The following CCDC88C variants were observed in gnomAD, a reference collection of about 807,000 sequenced individuals.
The protein encoded by CCDC88C is coiled-coil and HOOK domain protein 88C.
In CCDC88C, 131 loss-of-function variants were observed where a neutral mutation model predicts 198.8. That is an observed-to-expected ratio of 0.66 (90% CI 0.57 to 0.76). CCDC88C has a LOEUF of 0.76. Ranked by LOEUF, CCDC88C falls within the 30% of genes least tolerant of loss-of-function variation. The pLI, the probability that CCDC88C is intolerant of heterozygous loss-of-function variation, is 0.00. For missense variants in CCDC88C, 2,553 were observed against 2,631.6 expected (o/e 0.97, Z 0.65); for synonymous variants, 1,166 against 1,114.7 (o/e 1.05, Z -0.92).
chr14:91,361,913 C>G (rs867558984), intron 3 of CCDC88C, among the ~76,000 whole-genome samples: 5 of 152,086 alleles, frequency 3.3e-5, no homozygotes, highest in African/African-American at 1.2e-4. Context: ...TGAGCCTGTC[C>G]GTCACACAGC....
At chr14:91,346,873 T>G (rs889060267) in intron 4 of CCDC88C, among the ~76,000 whole-genome samples, 1 of 152,172 alleles carries the variant, frequency 6.6e-6, no homozygotes, top group Non-Finnish European at 1.5e-5. Flanking sequence ...CACTCCAGCC[T>G]TGGCGACAAA....
intron 3 of CCDC88C, among the ~76,000 whole-genome samples, chr14:91,397,528 C>G (rs1885925149): frequency 6.6e-6 from 1 of 152,206 alleles, no homozygotes; most frequent in Non-Finnish European, 1.5e-5. Flanking sequence ...CTTGCCCTGG[C>G]TGAACTCCAA....
intron 3 of CCDC88C, among the ~76,000 whole-genome samples, chr14:91,370,163 C>A (rs1894726090): frequency 6.6e-6 from 1 of 152,208 alleles, no homozygotes; most frequent in Admixed American, 6.5e-5. Context: ...ACTGTGTGGC[C>A]TCAGGCAAGT....
intron 4 of CCDC88C, among the ~76,000 whole-genome samples, chr14:91,344,515 CT>C (rs796660357): frequency 2.6e-3 from 372 of 142,788 alleles, no homozygotes; most frequent in Admixed American, 2.5e-3. Flanking sequence ...TAAAGCCATC[CT>C]TTTTTTTTTT....
At chr14:91,346,885 G>C (rs1241725019) in intron 4 of CCDC88C, among the ~76,000 whole-genome samples, 1 of 152,086 alleles carries the variant, frequency 6.6e-6, no homozygotes. Context: ...GGCGACAAAG[G>C]AAGACTCTGT....
At chr14:91,369,756 T>A (rs182018058) in intron 3 of CCDC88C, among the ~76,000 whole-genome samples, 156 of 152,294 alleles carry the variant, frequency 1.0e-3, no homozygotes, top group African/African-American at 2.9e-3. Flanking sequence ...GAGGCTGTCA[T>A]GTAAAGCTGC....
chr14:91,348,729 G>C lies in CCDC88C; in HGVS notation c.341-5072C>G, dbSNP rs534694886. Among the ~76,000 whole-genome samples, 4 of 152,224 alleles carry C rather than the reference G, an allele frequency of 2.6e-5. No individual in the cohort carries two copies. In the South Asian group the frequency reaches 8.3e-4, roughly 32 times the overall value. On this transcript the variant is annotated intron_variant, in intron 4 of 29. Transcript: ENST00000389857. ...TAACAGGAGGGAAAAAGGCTTTAAAGGTAGAGAATTAAGTTTAGAAAAATA... is the reference window on the plus strand; with the variant it reads ...TAACAGGAGGGAAAAAGGCTTTAAACGTAGAGAATTAAGTTTAGAAAAATA...
In CCDC88C at chr14:91,339,918, C is replaced by T. The variant is rs200769097; in HGVS notation, c.590G>A (p.Arg197Gln). 989 of 1,593,482 alleles carry T rather than the reference C, an allele frequency of 6.2e-4. 2 individuals carry two copies. Among genetic ancestry groups the T allele is most frequent in the East Asian group, 2.7e-3 (117 of 43,500 alleles). Reference protein sequence around the residue: ...ALSRSMVLHLRRLIDQRDECT... With the variant: ...ALSRSMVLHLQRLIDQRDECT... ...CTCGTCCCGCTGGTCGATGAGCCTC[C>T]GCAGGTGGAGCACCATGCTCCTCGA... The change falls in exon 7 of 30, where the codon CGG becomes CAG. Residue 197 changes from arginine (R) to glutamine (Q), a missense_variant. This residue lies in a region of CCDC88C where 1,260 missense variants were observed against 1,412.0 expected (regional missense o/e 0.89). Transcript: ENST00000389857. The surrounding 1 kb of genome is among the most constrained non-coding windows in gnomAD (Gnocchi z 5.8).
chr14:91,315,061 T>G (rs1892033454), intron 14 of CCDC88C, among the ~76,000 whole-genome samples: 1 of 152,154 alleles, frequency 6.6e-6, no homozygotes, highest in South Asian at 2.1e-4. Flanking sequence ...CACACGTTAG[T>G]TCTGGCCAAC....
chr14:91,355,215 G>A (rs1353263049), intron 4 of CCDC88C, among the ~76,000 whole-genome samples: 1 of 152,148 alleles, frequency 6.6e-6, no homozygotes, highest in Admixed American at 6.5e-5. Flanking sequence ...GGAGAGCTCG[G>A]CTTCTGGGGG....
At chr14:91,307,879 G>A (rs999189637) in intron 17 of CCDC88C, among the ~76,000 whole-genome samples, 1 of 151,954 alleles carries the variant, frequency 6.6e-6, no homozygotes, top group African/African-American at 2.4e-5. Context: ...TGTGGAGAGT[G>A]TGTATGTGTG....
intron 3 of CCDC88C, among the ~76,000 whole-genome samples, chr14:91,392,448 AAG>A (rs1414768845): frequency 1.3e-5 from 2 of 152,142 alleles, no homozygotes; most frequent in African/African-American, 4.8e-5. Context: ...TTCAAGGGGA[AAG>A]AGAAACGAGA....
intron 2 of CCDC88C, among the ~76,000 whole-genome samples, chr14:91,416,113 G>C (rs1887032958): frequency 6.6e-6 from 1 of 152,196 alleles, no homozygotes; most frequent in Admixed American, 6.6e-5. Context: ...GAAAGGATGT[G>C]GTCAGATGTA....
At position 91,288,515 on chromosome 14, in the gene CCDC88C, C is replaced by T. The variant is rs996351669; in HGVS notation, c.4441+590G>A. On this transcript the variant is annotated intron_variant, in intron 25 of 29. Transcript: ENST00000389857. This position sits in a 1 kb window ranked among gnomAD's most constrained non-coding sequence, Gnocchi z 4.2. ...CACATACGAGGCAGCCCAAAATAAGCTATGTCGCTTGTCTCTATGGTACCT... is the reference window on the plus strand; with the variant it reads ...CACATACGAGGCAGCCCAAAATAAGTTATGTCGCTTGTCTCTATGGTACCT... 2.0e-5 allele frequency among the ~76,000 whole-genome samples: 3 copies of T among 152,230 alleles called. No homozygotes were observed. The highest frequency in any genetic ancestry group is 7.2e-5 in the African/African-American group (3 of 41,466).
At chr14:91,290,425 G>C (rs1037249494) in intron 24 of CCDC88C, among the ~76,000 whole-genome samples, 2 of 152,248 alleles carry the variant, frequency 1.3e-5, no homozygotes, top group African/African-American at 4.8e-5. Flanking sequence ...AATCCGAAGG[G>C]ACAATTCCTG....
chr14:91,274,895 A>T (rs1889887376), intron 29 of CCDC88C, among the ~76,000 whole-genome samples: 1 of 152,130 alleles, frequency 6.6e-6, no homozygotes, highest in Non-Finnish European at 1.5e-5. Flanking sequence ...TGGCTGCCTG[A>T]CTCCAGAGCT....
chr14:91,405,047 G>A (rs1272939084), intron 3 of CCDC88C, among the ~76,000 whole-genome samples: 1 of 152,132 alleles, frequency 6.6e-6, no homozygotes. Flanking sequence ...CAGGAAGGCG[G>A]AGAATCTGCC....
chr14:91,293,362 CGG>C (rs1567055057), intron 23 of CCDC88C, among the ~76,000 whole-genome samples: 2 of 95,756 alleles, frequency 2.1e-5, no homozygotes, highest in African/African-American at 8.5e-5. Flanking sequence ...TCGCCTGCCA[CGG>C]CCCACCTTCC....
intron 21 of CCDC88C, 113 bp downstream of exon 21, chr14:91,299,814 G>T: frequency 7.4e-7 from 1 of 1,352,126 alleles, no homozygotes; most frequent in Non-Finnish European, 9.7e-7. Flanking sequence ...CACAGCAAGG[G>T]ATAAAAATCC....
Sources: allele counts gnomAD v4.1 joint callset (sites outside exome capture counted in the v4.1 genomes callset), GRCh38; gene constraint gnomAD v4.1.1; regional missense constraint gnomAD v4.1.1; non-coding constraint Gnocchi (gnomAD v3.1); transcripts MANE v1.5; gene names NCBI Gene and HGNC (gene_info 2026-07-23, HGNC 2026-07-21).